LINGO2: variants seen among roughly 807,000 people sequenced by gnomAD.
LINGO2 encodes leucine rich repeat and Ig domain containing 2, also known as leucine-rich repeat and immunoglobulin-like domain-containing nogo receptor-interacting protein 2.
A neutral mutation model predicts 30.6 loss-of-function variants in LINGO2; 14 were observed. The ratio of observed to expected loss-of-function variants is 0.46; its 90% CI spans 0.30 to 0.72. The LOEUF (loss-of-function observed/expected upper bound fraction) is 0.72, where lower values mean the gene tolerates loss of function less well. Ranked by LOEUF, LINGO2 falls within the 30% of genes least tolerant of loss-of-function variation. LINGO2 has a pLI of 0.07. For missense variants in LINGO2, 729 were observed against 751.7 expected (o/e 0.97, Z 0.35); for synonymous variants, 317 against 288.5 (o/e 1.10, Z -1.00).
the LINGO2 span, among the ~76,000 whole-genome samples, chr9:28,864,780 T>C: frequency 6.6e-6 from 1 of 152,092 alleles, no homozygotes; most frequent in East Asian, 1.9e-4. Flanking sequence ...ATTAAAAATA[T>C]TTAAATAAAA....
intron 2 of LINGO2, among the ~76,000 whole-genome samples, chr9:28,426,019 TAG>T (rs1237760937): frequency 1.3e-5 from 2 of 152,078 alleles, no homozygotes; most frequent in Non-Finnish European, 2.9e-5. Context: ...TCAGAGAAGA[TAG>T]AGTCATTTGT....
intron 3 of LINGO2, among the ~76,000 whole-genome samples, chr9:28,343,333 T>G (rs541675136): frequency 6.6e-6 from 1 of 152,294 alleles, no homozygotes; most frequent in South Asian, 2.1e-4. Flanking sequence ...TATACATTCC[T>G]CACTTCAAAT....
chr9:28,302,063 A>G (rs1477335760), intron 3 of LINGO2, among the ~76,000 whole-genome samples: 1 of 152,216 alleles, frequency 6.6e-6, no homozygotes. Context: ...GCCTTATAAG[A>G]TATCTTGAAA....
Position 28,647,832 on chromosome 9 carries a change from CA to C in LINGO2, c.-365+22367del, listed in dbSNP as rs1281634682. On this transcript the variant is annotated intron_variant, in intron 1 of 5. Transcript: ENST00000379992. ...TATTCTCTATTTAACTTTTATTATT[CA>C]ACCTGTGTCAGCCATTATTGACAAT... Among the ~76,000 whole-genome samples the C allele has an allele frequency of 2.6e-5, 4 of 151,342 alleles. No individual in the cohort carries two copies. In the East Asian group the frequency reaches 7.8e-4, roughly 29 times the overall value.
At chr9:28,814,674 T>A in the LINGO2 span, among the ~76,000 whole-genome samples, 5 of 152,054 alleles carry the variant, frequency 3.3e-5, no homozygotes, top group South Asian at 2.1e-4. Context: ...GATCACGAGG[T>A]CAGGAGTTCG....
chr9:28,977,526 A>G, the LINGO2 span, among the ~76,000 whole-genome samples: 1 of 152,100 alleles, frequency 6.6e-6, no homozygotes, highest in African/African-American at 2.4e-5. Context: ...ATTTCATACA[A>G]TTTAATTTTC....
intron 1 of LINGO2, among the ~76,000 whole-genome samples, chr9:28,514,998 A>G (rs988799967): frequency 5.3e-5 from 8 of 152,046 alleles, no homozygotes; most frequent in Non-Finnish European, 1.0e-4. Flanking sequence ...TGAATATTTT[A>G]GGCCCATTGT....
At chr9:28,110,814 G>A (rs1826758518) in intron 4 of LINGO2, among the ~76,000 whole-genome samples, 1 of 152,132 alleles carries the variant, frequency 6.6e-6, no homozygotes, top group Non-Finnish European at 1.5e-5. Flanking sequence ...CATCCATTTT[G>A]GAAGACAGTA....
At chr9:28,756,570 C>T in the LINGO2 span, among the ~76,000 whole-genome samples, 2 of 151,734 alleles carry the variant, frequency 1.3e-5, no homozygotes, top group African/African-American at 4.9e-5. Flanking sequence ...GGCTCGGTGT[C>T]CCAAACAAAT....
At chr9:28,515,157 G>A (rs534310357) in intron 1 of LINGO2, among the ~76,000 whole-genome samples, 1 of 152,046 alleles carries the variant, frequency 6.6e-6, no homozygotes, top group South Asian at 2.1e-4. Flanking sequence ...GCAGTCCACG[G>A]ATCAAGGAGT....
At chr9:28,705,257 G>C in the LINGO2 span, among the ~76,000 whole-genome samples, 3 of 152,002 alleles carry the variant, frequency 2.0e-5, no homozygotes, top group South Asian at 6.2e-4. Flanking sequence ...TAATGTACTA[G>C]GTAAAAGAAA....
At chr9:28,384,542 T>G (rs11788722) in intron 2 of LINGO2, among the ~76,000 whole-genome samples, 42,683 of 151,372 alleles carry the variant, frequency 0.28, 7,512 homozygotes, top group Non-Finnish European at 0.37. Context: ...TTCCCACTAT[T>G]TTTAAAACAA....
chr9:28,778,470 T>C, the LINGO2 span, among the ~76,000 whole-genome samples: 1 of 152,150 alleles, frequency 6.6e-6, no homozygotes, highest in Non-Finnish European at 1.5e-5. Context: ...TACAAATGCA[T>C]CAACACTATA....
intron 3 of LINGO2, among the ~76,000 whole-genome samples, chr9:28,350,163 T>C (rs1252584505): frequency 2.7e-5 from 4 of 146,554 alleles, no homozygotes; most frequent in African/African-American, 7.6e-5. Flanking sequence ...TAACTTTAAA[T>C]GTAAATGGAC....
intron 4 of LINGO2, among the ~76,000 whole-genome samples, chr9:28,091,445 C>A (rs1256323461): frequency 1.3e-5 from 2 of 152,102 alleles, no homozygotes; most frequent in Admixed American, 6.6e-5. Flanking sequence ...AAACACAAAA[C>A]AGGGAAAGGA....
intron 4 of LINGO2, among the ~76,000 whole-genome samples, chr9:28,278,425 C>A (rs990078512): frequency 2.6e-5 from 4 of 152,180 alleles, no homozygotes; most frequent in Non-Finnish European, 2.9e-5. Context: ...GGCTACAAAG[C>A]CTCAAAGGAC....
the LINGO2 span, among the ~76,000 whole-genome samples, chr9:28,879,778 T>C: frequency 5.9e-5 from 9 of 152,218 alleles, no homozygotes; most frequent in South Asian, 2.1e-4. Context: ...ATGTAAAGTA[T>C]TGTTGGACTT....
Position 28,074,412 on chromosome 9 carries a change from T to C in LINGO2, c.-86-62007A>G, listed in dbSNP as rs185493694. 4.9e-4 allele frequency among the ~76,000 whole-genome samples: 75 copies of C among 152,326 alleles called. 1 individual carries two copies. The highest frequency in any genetic ancestry group is 1.9e-4 in the Non-Finnish European group (13 of 68,038). ...CACTAGCATATAATGCCATTGTTCT[T>C]CATTCTGCAGACCTTTATTGGATCA... On this transcript the variant is annotated intron_variant, in intron 4 of 5. Coordinates refer to ENST00000379992, the Ensembl canonical transcript of LINGO2.
At chr9:28,443,474 C>A (rs527820811) in intron 2 of LINGO2, among the ~76,000 whole-genome samples, 1 of 152,202 alleles carries the variant, frequency 6.6e-6, no homozygotes, top group Non-Finnish European at 1.5e-5. Context: ...TCTAGACTCA[C>A]GCATCCTTGT....
Sources: allele counts gnomAD v4.1 joint callset (sites outside exome capture counted in the v4.1 genomes callset), GRCh38; gene constraint gnomAD v4.1.1; transcripts MANE v1.5; gene names NCBI Gene and HGNC (gene_info 2026-07-23, HGNC 2026-07-21).